Variants in ARHGEF4 observed in about 807,000 individuals in gnomAD.
ARHGEF4 encodes Rho guanine nucleotide exchange factor 4.
Under a neutral mutation model 162.0 loss-of-function variants are expected in ARHGEF4, and 119 were observed. The ratio of observed to expected loss-of-function variants is 0.73; its 90% CI spans 0.63 to 0.86. ARHGEF4 has a LOEUF of 0.86. Ranked by LOEUF, ARHGEF4 falls within the 40% of genes least tolerant of loss-of-function variation. ARHGEF4 has a pLI of 0.00. For synonymous variants in ARHGEF4, 1,014 were observed against 979.9 expected, an observed-to-expected ratio of 1.03 and a Z score of -0.65; for missense variants, 2,488 against 2,456.0, an observed-to-expected ratio of 1.01 and a Z score of -0.28.
chr2:131,035,279 C>A (rs1690175053), intron 5 of ARHGEF4: 4 of 1,214,628 alleles, frequency 3.3e-6, no homozygotes, highest in Non-Finnish European at 4.1e-6. Flanking sequence ...GCGCAGGGCG[C>A]CGCGCCGGGG....
chr2:130,893,518 G>A (rs1202604030), intron 1 of ARHGEF4, among the ~76,000 whole-genome samples: 9 of 152,208 alleles, frequency 5.9e-5, no homozygotes, highest in Admixed American at 5.9e-4. Flanking sequence ...TGCCTGCCAT[G>A]ACTCTTTTCT....
chr2:131,016,143 C>G (rs916292612), intron 4 of ARHGEF4, among the ~76,000 whole-genome samples: 1 of 152,164 alleles, frequency 6.6e-6, no homozygotes, highest in African/African-American at 2.4e-5. Flanking sequence ...TTGCCTGGAA[C>G]ACTCTTCACC....
At chr2:130,905,151 TC>T (rs1476098790) in intron 1 of ARHGEF4, among the ~76,000 whole-genome samples, 2 of 152,210 alleles carry the variant, frequency 1.3e-5, no homozygotes, top group African/African-American at 4.8e-5. Flanking sequence ...CTGTAAATGC[TC>T]TTTAATTATA....
At chr2:130,842,262 C>T (rs1680662168) in intron 1 of ARHGEF4, among the ~76,000 whole-genome samples, 2 of 152,114 alleles carry the variant, frequency 1.3e-5, no homozygotes, top group African/African-American at 4.8e-5. Flanking sequence ...ATCCCCACTC[C>T]TAAGGTGAGG....
rs374174739 is a variant in ARHGEF4, at chr2:131,040,358, A to G, written c.4580A>G (p.Lys1527Arg). The part of the protein sequence containing the change: ...GNIEDIYRCQ[K>R]AFVKALEQRF... ...ATCGAGGACATCTACCGCTGCCAGA[A>G]GGCCTTCGTGAAGGCCCTGGAGCAG... The change falls in exon 8 of 14, where the codon AAG becomes AGG. Residue 1527 changes from lysine to arginine, a missense_variant. Coordinates refer to ENST00000409359, the MANE Select transcript of ARHGEF4 (RefSeq NM_001367493.1). 1.9e-6 allele frequency: 3 copies of G among 1,611,784 alleles called. No individual in the cohort carries two copies. The highest frequency in any genetic ancestry group is 2.5e-6 in the Non-Finnish European group (3 of 1,179,418).
chr2:130,871,787 T>C (rs1200074885), intron 1 of ARHGEF4, among the ~76,000 whole-genome samples: 2 of 152,130 alleles, frequency 1.3e-5, no homozygotes, highest in Non-Finnish European at 2.9e-5. Context: ...TGGAGACCTT[T>C]TGAACCCTCA....
At chr2:130,935,728 T>C (rs780220448) in intron 3 of ARHGEF4, among the ~76,000 whole-genome samples, 3 of 152,236 alleles carry the variant, frequency 2.0e-5, no homozygotes, top group Middle Eastern at 3.2e-3. Context: ...ACATCTAGTG[T>C]CATTACATTG....
intron 5 of ARHGEF4, among the ~76,000 whole-genome samples, chr2:131,028,380 C>T (rs748547966): frequency 6.6e-6 from 1 of 152,188 alleles, no homozygotes; most frequent in Non-Finnish European, 1.5e-5. Context: ...AGAGCCATCC[C>T]AGCTGGAGGA....
At chr2:130,878,745 A>G (rs951341750) in intron 1 of ARHGEF4, among the ~76,000 whole-genome samples, 1 of 152,256 alleles carries the variant, frequency 6.6e-6, no homozygotes, top group Non-Finnish European at 1.5e-5. Context: ...AATGGAGTTC[A>G]GTGCATTCCA....
chr2:130,987,453 G>A (rs891331170), intron 4 of ARHGEF4, among the ~76,000 whole-genome samples: 2 of 152,226 alleles, frequency 1.3e-5, no homozygotes, highest in Admixed American at 6.5e-5. Context: ...CCACAGCATG[G>A]AACAGGACCC....
intron 1 of ARHGEF4, among the ~76,000 whole-genome samples, chr2:130,885,886 T>C (rs1679492932): frequency 6.6e-6 from 1 of 152,066 alleles, no homozygotes; most frequent in African/African-American, 2.4e-5. Flanking sequence ...TCTTTTATTT[T>C]GTAATTTAAT....
intron 3 of ARHGEF4, among the ~76,000 whole-genome samples, chr2:130,933,467 C>T (rs1471690150): frequency 1.3e-5 from 2 of 151,924 alleles, no homozygotes; most frequent in Non-Finnish European, 2.9e-5. Context: ...AAATAAAGGC[C>T]CTTGGGATTT....
chr2:130,849,653 C>G (rs1681258347), intron 1 of ARHGEF4, among the ~76,000 whole-genome samples: 1 of 151,920 alleles, frequency 6.6e-6, no homozygotes, highest in Admixed American at 6.6e-5. Context: ...ACTGCAACCT[C>G]CTCCTCCCAG....
rs528692055 is a variant in ARHGEF4, at chr2:130,974,838, A to T, written c.3985+28203A>T. Among the ~76,000 whole-genome samples, 9 of 152,282 alleles carry T rather than the reference A, an allele frequency of 5.9e-5. No individual in the cohort carries two copies. In the East Asian group the frequency reaches 1.7e-3, roughly 29 times the overall value. On this transcript the variant is annotated intron_variant, in intron 4 of 13. Transcript: ENST00000409359. Reference sequence around the variant, plus strand: ...AACTTAACATAAAACACAAGAATTGATTCTGATAATACACAGAATCTCTGC... The same window carrying T: ...AACTTAACATAAAACACAAGAATTGTTTCTGATAATACACAGAATCTCTGC...
intron 4 of ARHGEF4, among the ~76,000 whole-genome samples, chr2:131,002,387 C>T (rs1389532987): frequency 6.6e-6 from 1 of 151,934 alleles, no homozygotes; most frequent in Non-Finnish European, 1.5e-5. Flanking sequence ...ACCATCCTGG[C>T]TAACACGGTG....
intron 1 of ARHGEF4, among the ~76,000 whole-genome samples, chr2:130,851,685 A>G (rs1029027320): frequency 6.6e-6 from 1 of 152,194 alleles, no homozygotes; most frequent in Non-Finnish European, 1.5e-5. Context: ...GCTCTTGGCC[A>G]CTGTGATCCT....
chr2:130,847,934 G>C (rs1681111366), intron 1 of ARHGEF4, among the ~76,000 whole-genome samples: 1 of 152,238 alleles, frequency 6.6e-6, no homozygotes, highest in African/African-American at 2.4e-5. Flanking sequence ...GAGTGTGTGG[G>C]ATTGGAGCTG....
intron 4 of ARHGEF4, among the ~76,000 whole-genome samples, chr2:131,006,518 T>C (rs1419103231): frequency 6.6e-6 from 1 of 152,186 alleles, no homozygotes; most frequent in Non-Finnish European, 1.5e-5. Context: ...TGTCAGCCAT[T>C]AGGGAATGCC....
intron 4 of ARHGEF4, among the ~76,000 whole-genome samples, chr2:131,002,438 T>C (rs1003530619): frequency 6.7e-6 from 1 of 148,658 alleles, no homozygotes; most frequent in South Asian, 2.2e-4. Flanking sequence ...TAGCTGGGCG[T>C]AGTGGCTCAC....
Sources: gnomAD v4.1 joint callset for allele counts (sites outside exome capture counted in the v4.1 genomes callset) on GRCh38, gnomAD v4.1.1 for gene constraint, MANE v1.5 for transcripts, NCBI Gene and HGNC (gene_info 2026-07-23, HGNC 2026-07-21) for gene names.